SIPA1L3: variants seen among roughly 807,000 people sequenced by gnomAD.
SIPA1L3 encodes signal-induced proliferation-associated 1-like protein 3.
A neutral mutation model predicts 150.1 loss-of-function variants in SIPA1L3; 59 were observed. The ratio of observed to expected loss-of-function variants is 0.39; its 90% CI spans 0.32 to 0.49. The LOEUF (loss-of-function observed/expected upper bound fraction) is 0.49. Among genes scored for constraint, SIPA1L3 ranks in the 20% least tolerant of loss-of-function variants. The pLI, the probability that SIPA1L3 is intolerant of heterozygous loss-of-function variation, is 0.86. For missense variants in SIPA1L3, 2,211 were observed against 2,489.5 expected, an observed-to-expected ratio of 0.89 and a Z score of 2.38; for synonymous variants, 1,070 against 1,077.6, an observed-to-expected ratio of 0.99 and a Z score of 0.14.
intron 10 of SIPA1L3, among the ~76,000 whole-genome samples, chr19:38,139,401 G>T (rs1198940297): frequency 6.6e-6 from 1 of 152,176 alleles, no homozygotes; most frequent in African/African-American, 2.4e-5. Context: ...TATCAGGAGA[G>T]GGGGTGTGGG....
chr19:37,917,100 T>C (rs959324809), intron 1 of SIPA1L3, among the ~76,000 whole-genome samples: 3 of 152,238 alleles, frequency 2.0e-5, no homozygotes, highest in Non-Finnish European at 4.4e-5. Context: ...CATTTCAACA[T>C]GTAATCAATA....
At chr19:38,091,759 G>T (rs930044701) in intron 4 of SIPA1L3, among the ~76,000 whole-genome samples, 1 of 152,052 alleles carries the variant, frequency 6.6e-6, no homozygotes, top group Non-Finnish European at 1.5e-5. Flanking sequence ...GTTTTTGTTC[G>T]TAATGAAAAT....
rs765728357 is a variant in SIPA1L3 at position 38,130,797 on chromosome 19, G to C, written c.3143+25G>C. 8 of 1,571,852 alleles carry C rather than the reference G, an allele frequency of 5.1e-6. No homozygotes were observed. In the South Asian group the frequency reaches 9.4e-5, roughly 18 times the overall value. Reference sequence around the variant, plus strand: ...GGTAAGGGCCTCCACCTTTCAGCCAGGTGGTGGGTGGCAGCTCCCAGATCG... The same window carrying C: ...GGTAAGGGCCTCCACCTTTCAGCCACGTGGTGGGTGGCAGCTCCCAGATCG... On this transcript the variant is annotated intron_variant, in intron 10 of 21. Coordinates refer to ENST00000222345, the MANE Select transcript of SIPA1L3 (RefSeq NM_015073.3).
chr19:37,910,644 G>T (rs1174315790), intron 1 of SIPA1L3, among the ~76,000 whole-genome samples: 2 of 152,088 alleles, frequency 1.3e-5, no homozygotes, highest in African/African-American at 4.8e-5. Context: ...TTGCTCTGTG[G>T]CCCAGGCTGG....
chr19:38,175,947 C>G (rs1972426423), intron 15 of SIPA1L3, among the ~76,000 whole-genome samples: 1 of 152,130 alleles, frequency 6.6e-6, no homozygotes, highest in South Asian at 2.1e-4. Context: ...GTGGCTCACG[C>G]CTGTAATCCC....
At chr19:38,172,826 T>TG (rs1159084735) in intron 15 of SIPA1L3, among the ~76,000 whole-genome samples, 1 of 152,144 alleles carries the variant, frequency 6.6e-6, no homozygotes, top group Non-Finnish European at 1.5e-5. Flanking sequence ...AAGATTACTG[T>TG]GGGCTGGACG....
At chr19:38,067,761 GAA>G (rs75720415) in intron 2 of SIPA1L3, among the ~76,000 whole-genome samples, 3 of 138,808 alleles carry the variant, frequency 2.2e-5, no homozygotes, top group Admixed American at 7.3e-5. Context: ...GACTCAGTCT[GAA>G]AAAAAAAAAA....
chr19:38,005,386 C>T (rs1009375151), intron 1 of SIPA1L3, among the ~76,000 whole-genome samples: 11 of 151,978 alleles, frequency 7.2e-5, no homozygotes, highest in Non-Finnish European at 1.2e-4. Context: ...CTGTGCACTG[C>T]GCTCCAGCTG....
At chr19:38,107,053 T>G (rs1970638389) in intron 7 of SIPA1L3, among the ~76,000 whole-genome samples, 1 of 152,226 alleles carries the variant, frequency 6.6e-6, no homozygotes, top group African/African-American at 2.4e-5. Context: ...TCTGGTTGGA[T>G]CCAGGGACTC....
chr19:38,000,900 A>ATATGT (rs1555775636), intron 1 of SIPA1L3, among the ~76,000 whole-genome samples: 6 of 131,410 alleles, frequency 4.6e-5, no homozygotes, highest in African/African-American at 1.8e-4. Context: ...TATGTTATAT[A>ATATGT]TATATATATA....
intron 2 of SIPA1L3, among the ~76,000 whole-genome samples, chr19:38,067,989 G>A (rs1304833193): frequency 6.6e-6 from 1 of 151,852 alleles, no homozygotes; most frequent in South Asian, 2.1e-4. Context: ...CTCCCAGTAA[G>A]GTTGGGGAAG....
At position 38,206,229 on chromosome 19, in the gene SIPA1L3, A is replaced by G. The variant is rs762358843; in HGVS notation, c.5335A>G (p.Lys1779Glu). 3 of 1,558,092 alleles carry G rather than the reference A, an allele frequency of 1.9e-6. No homozygotes were observed. The highest frequency in any genetic ancestry group is 1.2e-5 in the South Asian group (1 of 84,324). ...TGCGGAGATCTTCTGCAGGGAGAAG[A>G]AGGAGCTCTGAGGTGGGAGGCCGCC... ...KFAEIFCREK[K>E]EL The change falls in exon 22 of 22, where the codon AAG (lysine) becomes GAG (glutamate). Residue 1779 changes from lysine (K) to glutamate (E), a missense_variant. By Grantham distance (56) the Lys-to-Glu change is moderately conservative (BLOSUM62 1). Around this residue, in one of 5 missense-constraint regions of SIPA1L3, gnomAD observed 63 missense variants for 106.1 expected, o/e 0.59. Transcript: ENST00000222345.
chr19:38,078,719 G>A (rs62121429), intron 2 of SIPA1L3, among the ~76,000 whole-genome samples: 8,343 of 152,248 alleles, frequency 0.055, 287 homozygotes, highest in South Asian at 0.15. Flanking sequence ...AAAGTTAGAG[G>A]TCACCTTGAA....
chr19:37,975,323 C>T (rs963009525), intron 1 of SIPA1L3, among the ~76,000 whole-genome samples: 41 of 152,118 alleles, frequency 2.7e-4, no homozygotes, highest in Non-Finnish European at 1.0e-4. Context: ...GAGGAGGCAC[C>T]GTGTAGGCCG....
intron 1 of SIPA1L3, among the ~76,000 whole-genome samples, chr19:37,913,350 G>C (rs542693487): frequency 6.6e-6 from 1 of 152,212 alleles, no homozygotes; most frequent in East Asian, 1.9e-4. Context: ...GATCCTTGCT[G>C]TCCTAGGGTT....
intron 16 of SIPA1L3, among the ~76,000 whole-genome samples, chr19:38,184,087 C>T (rs1238755262): frequency 6.6e-6 from 1 of 152,150 alleles, no homozygotes; most frequent in Non-Finnish European, 1.5e-5. Flanking sequence ...TGAGCACTCA[C>T]CACATCGAGG....
Position 38,115,742 on chromosome 19 carries a change from C to A in SIPA1L3, c.2292-3564C>A, listed in dbSNP as rs896757998. Among the ~76,000 whole-genome samples the A allele has an allele frequency of 8.0e-4, 122 of 152,296 alleles. 3 individuals are homozygous for A. The highest frequency in any genetic ancestry group is 2.4e-3 in the African/African-American group (100 of 41,564). On this transcript the variant is annotated intron_variant, in intron 8 of 21. Coordinates refer to ENST00000222345, the MANE Select transcript of SIPA1L3 (RefSeq NM_015073.3). ...TTCATCATCACTTGCTCAGAGAGGC[C>A]CTCCCAGATTCTCCCTGTCCAAATC... is the stretch of plus-strand genomic sequence containing the variant.
chr19:38,025,229 C>T (rs950078039), intron 1 of SIPA1L3, among the ~76,000 whole-genome samples: 17 of 152,234 alleles, frequency 1.1e-4, no homozygotes, highest in Non-Finnish European at 2.5e-4. Flanking sequence ...GCCTTTCCCC[C>T]TTACATTATC....
At chr19:37,913,536 C>T (rs2046392541) in intron 1 of SIPA1L3, among the ~76,000 whole-genome samples, 1 of 152,108 alleles carries the variant, frequency 6.6e-6, no homozygotes, top group South Asian at 2.1e-4. Context: ...ACTGGGATTA[C>T]AGGCATGCGC....
Sources: gnomAD v4.1 joint callset for allele counts (sites outside exome capture counted in the v4.1 genomes callset) on GRCh38, gnomAD v4.1.1 for gene constraint, gnomAD v4.1.1 regional missense constraint, MANE v1.5 for transcripts, NCBI Gene and HGNC (gene_info 2026-07-23, HGNC 2026-07-21) for gene names.